The following B3GALT5 variants were observed in gnomAD, a reference collection of about 807,000 sequenced individuals.
The protein encoded by B3GALT5 is UDP-Gal:betaGlcNAc beta 1,3-galactosyltransferase, polypeptide 5.
For synonymous variants in B3GALT5, 156 were observed against 158.6 expected, an observed-to-expected ratio of 0.98 and a Z score of 0.12; for missense variants, 328 against 396.6, an observed-to-expected ratio of 0.83 and a Z score of 1.47.
chr21:39,653,127 A>G (rs2079411276), intron 2 of B3GALT5, among the ~76,000 whole-genome samples: 3 of 152,220 alleles, frequency 2.0e-5, no homozygotes, highest in Admixed American at 6.5e-5. Flanking sequence ...TCCACCAAAG[A>G]TAAACATTCT....
chr21:39,649,455 C>A (rs1279460555), intron 2 of B3GALT5, among the ~76,000 whole-genome samples: 2 of 152,254 alleles, frequency 1.3e-5, no homozygotes, highest in Non-Finnish European at 1.5e-5. Flanking sequence ...CCTCTGTTCT[C>A]TCCCCTGCCC....
At chr21:39,619,912 A>G (rs1426615688) in intron 1 of B3GALT5, among the ~76,000 whole-genome samples, 1 of 152,072 alleles carries the variant, frequency 6.6e-6, no homozygotes, top group Admixed American at 6.5e-5. Flanking sequence ...GGTTCAAGCA[A>G]TTCTCGTGCC....
chr21:39,659,777 T>A lies in B3GALT5; in HGVS notation c.-136T>A, dbSNP rs2079491739. Reference sequence around the variant, plus strand: ...GTGATTCCTGTCAGAATCACCATTTTTGGTAAACAAACCAAGCCCAGAACC... The same window carrying A: ...GTGATTCCTGTCAGAATCACCATTTATGGTAAACAAACCAAGCCCAGAACC... On this transcript the variant is annotated 5_prime_UTR_variant, in exon 3 of 4. It adds an upstream start codon to the 5' untranslated region. Coordinates refer to ENST00000684187, the MANE Select transcript of B3GALT5 (RefSeq NM_001356336.2). The A allele has an allele frequency of 1.0e-6, 1 of 985,246 alleles. No individual in the cohort carries two copies. Among genetic ancestry groups the A allele is most frequent in the Non-Finnish European group, 1.2e-6 (1 of 829,914 alleles). The allele number at this position is 985,246 out of a possible 1,614,324, so 61.0% of individuals were successfully genotyped here. A position where few individuals can be genotyped will look rare whatever the true frequency, so the allele number is the denominator to read the frequency against.
chr21:39,647,938 A>G (rs1294092893), intron 2 of B3GALT5, among the ~76,000 whole-genome samples: 1 of 152,206 alleles, frequency 6.6e-6, no homozygotes, highest in African/African-American at 2.4e-5. Flanking sequence ...GGAATTTTCT[A>G]ATGTGGTTGG....
At chr21:39,652,945 A>G (rs551632756) in intron 2 of B3GALT5, among the ~76,000 whole-genome samples, 2 of 152,338 alleles carry the variant, frequency 1.3e-5, no homozygotes, top group African/African-American at 2.4e-5. Flanking sequence ...AATTAAACTT[A>G]TTTAAAAATA....
chr21:39,619,964 T>C (rs907257803), intron 1 of B3GALT5, among the ~76,000 whole-genome samples: 1 of 151,918 alleles, frequency 6.6e-6, no homozygotes, highest in Non-Finnish European at 1.5e-5. Flanking sequence ...TGTGCCACCA[T>C]GTGTGGCCAA....
intron 1 of B3GALT5, among the ~76,000 whole-genome samples, chr21:39,618,551 C>A (rs756823592): frequency 3.3e-5 from 5 of 152,166 alleles, no homozygotes; most frequent in African/African-American, 1.2e-4. Flanking sequence ...TAAAACTAAT[C>A]ATCTGTTTGT....
Position 39,661,393 on chromosome 21 carries a change from C to T in B3GALT5, c.834C>T (p.Phe278=), listed in dbSNP as rs774801169. The T allele has an allele frequency of 5.1e-6, 8 of 1,580,554 alleles. No individual in the cohort carries two copies. Among genetic ancestry groups the T allele is most frequent in the Non-Finnish European group, 6.0e-6 (7 of 1,163,860 alleles). The part of the protein sequence containing the change: ...PGGLRFSVCL[F]RRIVACHFIK... ...GCTTACGCTTCTCCGTATGCCTCTT[C>T]AGGAGGATCGTGGCCTGCCACTTCA... The change falls in exon 4 of 4, where the codon TTC becomes TTT. Residue 278 remains phenylalanine, a synonymous_variant. Coordinates refer to ENST00000684187, the MANE Select transcript of B3GALT5 (RefSeq NM_001356336.2). The surrounding 1 kb of genome is among the most constrained non-coding windows in gnomAD (Gnocchi z 4.7).
At chr21:39,622,412 C>A (rs2079138783) in intron 1 of B3GALT5, among the ~76,000 whole-genome samples, 1 of 151,848 alleles carries the variant, frequency 6.6e-6, no homozygotes, top group Non-Finnish European at 1.5e-5. Context: ...TGTTTTGATG[C>A]TGTGTTGTTG....
chr21:39,636,440 C>T (rs990569111), intron 1 of B3GALT5, among the ~76,000 whole-genome samples: 11 of 152,000 alleles, frequency 7.2e-5, no homozygotes, highest in African/African-American at 2.4e-4. Context: ...AAGAGAAACC[C>T]CGACGCCTTT....
chr21:39,646,119 TCTC>T (rs2079336658), intron 1 of B3GALT5, among the ~76,000 whole-genome samples: 1 of 152,004 alleles, frequency 6.6e-6, no homozygotes, highest in African/African-American at 2.4e-5. Flanking sequence ...CGACCGAAGG[TCTC>T]CTGCTGGTGT....
rs754578819 is a variant in B3GALT5, at chr21:39,665,744, A to G, written c.*4252A>G. ...GGCCTACCCTGACCTCCCTGTAGGAAAATGCAACTCACCTCACTCCCATGC... is the reference window on the plus strand; with the variant it reads ...GGCCTACCCTGACCTCCCTGTAGGAGAATGCAACTCACCTCACTCCCATGC... On this transcript the variant is annotated 3_prime_UTR_variant, in exon 4 of 4. Coordinates refer to ENST00000684187, the MANE Select transcript of B3GALT5 (RefSeq NM_001356336.2). 7.9e-5 allele frequency: 12 copies of G among 152,214 alleles called. No homozygotes were observed. The highest frequency in any genetic ancestry group is 1.8e-4 in the Non-Finnish European group (12 of 68,028). 9.4% of individuals were successfully genotyped at this position (152,214 alleles called of 1,614,324 possible). A position where few individuals can be genotyped will look rare whatever the true frequency, so the allele number is the denominator to read the frequency against.
chr21:39,659,916 A>G lies in B3GALT5; in HGVS notation c.-1+4A>G. 7.1e-6 allele frequency: 7 copies of G among 984,930 alleles called. No individual in the cohort carries two copies. Among genetic ancestry groups the G allele is most frequent in the Non-Finnish European group, 7.2e-6 (6 of 829,518 alleles). 61.0% of individuals were successfully genotyped at this position (984,930 alleles called of 1,614,324 possible). On this transcript the variant is annotated splice_donor_region_variant and intron_variant, in intron 3 of 3. Transcript: ENST00000684187. ...GGTTCCTCTTACCCAGCAAAAAGTG[A>G]GTTATACGCTTTCTTAATGTTATAA...
At chr21:39,633,386 A>T (rs890978977) in intron 1 of B3GALT5, among the ~76,000 whole-genome samples, 12 of 152,170 alleles carry the variant, frequency 7.9e-5, no homozygotes, top group Non-Finnish European at 1.6e-4. Flanking sequence ...TGACACCTGG[A>T]TGTACAAGAT....
chr21:39,649,065 CTT>C, intron 2 of B3GALT5, among the ~76,000 whole-genome samples: 1 of 152,222 alleles, frequency 6.6e-6, no homozygotes, highest in Non-Finnish European at 1.5e-5. Flanking sequence ...CTTAAAATGC[CTT>C]CCAGCTCTAA....
intron 1 of B3GALT5, among the ~76,000 whole-genome samples, chr21:39,617,222 A>C (rs2079111428): frequency 6.6e-6 from 1 of 152,236 alleles, no homozygotes. Flanking sequence ...CAAGCTCTCT[A>C]AAATGGTTTC....
In B3GALT5 at chr21:39,672,081, G is replaced by A. The variant is rs2079633090; in HGVS notation, c.*10589G>A. On this transcript the variant is annotated 3_prime_UTR_variant, in exon 4 of 4. Coordinates refer to ENST00000684187, the MANE Select transcript of B3GALT5 (RefSeq NM_001356336.2). Reference sequence around the variant, plus strand: ...TCCATAGCCAAATGCAACATTTTGTGTCATACTGCTTTACATCATCTATTC... The same window carrying A: ...TCCATAGCCAAATGCAACATTTTGTATCATACTGCTTTACATCATCTATTC... 6.6e-6 allele frequency: 1 copy of A among 152,222 alleles called. No individual in the cohort carries two copies. Among genetic ancestry groups the A allele is most frequent in the Admixed American group, 6.5e-5 (1 of 15,278 alleles). The allele number at this position is 152,222 out of a possible 1,614,324, so 9.4% of individuals were successfully genotyped here.
intron 2 of B3GALT5, among the ~76,000 whole-genome samples, chr21:39,655,937 T>G (rs16998087): frequency 0.056 from 8,560 of 152,264 alleles, 790 homozygotes; most frequent in African/African-American, 0.19. Context: ...ACGAATCCAC[T>G]GAAATGTTAA....
chr21:39,645,953 G>T (rs931256087), intron 1 of B3GALT5, among the ~76,000 whole-genome samples: 2 of 150,636 alleles, frequency 1.3e-5, no homozygotes, highest in South Asian at 2.2e-4. Context: ...TCCCGCAGCC[G>T]CCCTCTGCCT....
Sources: allele counts gnomAD v4.1 joint callset (sites outside exome capture counted in the v4.1 genomes callset), GRCh38; gene constraint gnomAD v4.1.1; non-coding constraint Gnocchi (gnomAD v3.1); transcripts MANE v1.5; gene names NCBI Gene and HGNC (gene_info 2026-07-23, HGNC 2026-07-21).